The following CCDC171 variants were observed in gnomAD, a reference collection of about 807,000 sequenced individuals.
CCDC171 encodes the protein coiled-coil domain containing 171.
CCDC171 carries 177 observed loss-of-function variants against 168.2 expected under a neutral mutation model. That is an observed-to-expected ratio of 1.05 (90% CI 0.93 to 1.19). The LOEUF (loss-of-function observed/expected upper bound fraction) is 1.19, where lower values mean the gene tolerates loss of function less well. CCDC171 is among the 50% of genes most tolerant of loss of function. CCDC171 has a pLI of 0.00. For missense variants in CCDC171, 1,991 were observed against 1,539.0 expected (o/e 1.29, Z -4.91); for synonymous variants, 687 against 540.8 (o/e 1.27, Z -3.75).
chr9:15,801,709 G>C (rs1435684487), intron 21 of CCDC171, among the ~76,000 whole-genome samples: 2 of 151,918 alleles, frequency 1.3e-5, no homozygotes, highest in Non-Finnish European at 2.9e-5. Context: ...TAGAGGAAAG[G>C]GTTTCATTTT....
In CCDC171 at chr9:15,923,850, G is replaced by C. The variant is rs924517865; in HGVS notation, c.3753+3428G>C. On this transcript the variant is annotated intron_variant, in intron 25 of 25. Transcript: ENST00000380701. ...GGTGGTTATTGTTATTAGTTTAGTG[G>C]CTCAACTTTTCTGTAATTTCTCTAC... is the stretch of plus-strand genomic sequence containing the variant. Among the ~76,000 whole-genome samples the C allele has an allele frequency of 4.0e-5, 6 of 151,310 alleles. No homozygotes were observed. In the South Asian group the frequency reaches 1.0e-3, roughly 26 times the overall value.
chr9:16,078,285 A>G, the CCDC171 span, among the ~76,000 whole-genome samples: 1 of 152,330 alleles, frequency 6.6e-6, no homozygotes, highest in East Asian at 1.9e-4. Context: ...TCTAGAGGGC[A>G]GAGCAGGAAC....
At chr9:16,068,825 C>G in the CCDC171 span, among the ~76,000 whole-genome samples, 1 of 151,238 alleles carries the variant, frequency 6.6e-6, no homozygotes, top group East Asian at 2.0e-4. Context: ...TCACACCCAG[C>G]TGCTAAATTA....
intron 7 of CCDC171, among the ~76,000 whole-genome samples, chr9:15,645,063 G>A (rs953643279): frequency 3.9e-5 from 6 of 152,198 alleles, no homozygotes; most frequent in African/African-American, 1.4e-4. Flanking sequence ...GAACGATCAG[G>A]CAGCAACATT....
intron 21 of CCDC171, among the ~76,000 whole-genome samples, chr9:15,801,262 T>C (rs1336132638): frequency 6.6e-6 from 1 of 152,158 alleles, no homozygotes; most frequent in Non-Finnish European, 1.5e-5. Flanking sequence ...TATCTTTCCA[T>C]TATTTTTGCA....
intron 24 of CCDC171, among the ~76,000 whole-genome samples, chr9:15,877,934 A>T (rs920855169): frequency 1.6e-4 from 25 of 152,296 alleles, no homozygotes; most frequent in African/African-American, 6.0e-4. Context: ...AATAATAATT[A>T]AACAGTAACA....
chr9:15,977,666 G>A (rs1372955082), downstream of CCDC171, among the ~76,000 whole-genome samples: 1 of 152,164 alleles, frequency 6.6e-6, no homozygotes, highest in Non-Finnish European at 1.5e-5. Flanking sequence ...GCTGATTGTT[G>A]ACAGAGTCCT....
At chr9:15,774,379 A>G (rs761721313) in intron 18 of CCDC171, among the ~76,000 whole-genome samples, 8 of 151,784 alleles carry the variant, frequency 5.3e-5, no homozygotes, top group Non-Finnish European at 7.4e-5. Context: ...TAAGATCGGG[A>G]AATGTAAATC....
chr9:15,781,504 A>G (rs2057666090), intron 20 of CCDC171, among the ~76,000 whole-genome samples: 1 of 152,080 alleles, frequency 6.6e-6, no homozygotes, highest in African/African-American at 2.4e-5. Context: ...TGCAGCCTCC[A>G]CCTCCCAGGT....
intron 21 of CCDC171, among the ~76,000 whole-genome samples, chr9:15,818,292 C>G (rs1054575059): frequency 8.5e-6 from 1 of 117,858 alleles, no homozygotes; most frequent in African/African-American, 3.2e-5. Context: ...GAGTGCCTCT[C>G]CTCCTCCAAA....
At chr9:15,904,942 T>C (rs1483410223) in intron 24 of CCDC171, among the ~76,000 whole-genome samples, 1 of 151,488 alleles carries the variant, frequency 6.6e-6, no homozygotes, top group African/African-American at 2.4e-5. Context: ...TACATAATGG[T>C]AAAGGGATCA....
rs2056778836 is a variant in CCDC171 at position 15,767,368 on chromosome 9, C to A, written c.2672-10232C>A. 2.0e-5 allele frequency among the ~76,000 whole-genome samples: 3 copies of A among 152,178 alleles called. No homozygotes were observed. The South Asian group carries it at 6.2e-4, about 32-fold the overall frequency. On this transcript the variant is annotated intron_variant, in intron 18 of 25. Coordinates refer to ENST00000380701, the MANE Select transcript of CCDC171 (RefSeq NM_173550.4). ...ATCTTCAAAGCCAGCAGCATCACAT[C>A]TGCAAATCTCTCTCTGACTCTGACC...
chr9:15,636,253 A>G (rs1026401295), intron 7 of CCDC171, among the ~76,000 whole-genome samples: 2 of 152,194 alleles, frequency 1.3e-5, no homozygotes, highest in African/African-American at 4.8e-5. Flanking sequence ...TGAACTTGGC[A>G]AGGATAAACT....
chr9:16,048,513 C>T (rs1833697038), intron 1 of CCDC171, among the ~76,000 whole-genome samples: 2 of 152,164 alleles, frequency 1.3e-5, no homozygotes, highest in Non-Finnish European at 2.9e-5. Context: ...CCCTCAGTTT[C>T]TTTCAGGGTC....
chr9:16,100,356 G>A, the CCDC171 span, among the ~76,000 whole-genome samples: 3 of 152,208 alleles, frequency 2.0e-5, no homozygotes, highest in East Asian at 3.9e-4. Context: ...ATCTCCAGCC[G>A]CTCAGCTCAG....
At position 15,925,037 on chromosome 9, in the gene CCDC171, G is replaced by A. The variant is rs1825742780; in HGVS notation, c.3753+4615G>A. 2.0e-5 allele frequency among the ~76,000 whole-genome samples: 3 copies of A among 151,222 alleles called. No homozygotes were observed. The Admixed American group carries it at 2.0e-4, about 10-fold the overall frequency. ...AAAATTTATTAAGCATCTGCTTTTT[G>A]GTGGGCACAGTTCTGTTCTTGGAGA... On this transcript the variant is annotated intron_variant, in intron 25 of 25. Coordinates refer to ENST00000380701, the MANE Select transcript of CCDC171 (RefSeq NM_173550.4).
At chr9:15,692,289 C>A (rs2050857341) in intron 10 of CCDC171, among the ~76,000 whole-genome samples, 1 of 151,900 alleles carries the variant, frequency 6.6e-6, no homozygotes, top group African/African-American at 2.4e-5. Flanking sequence ...ATGAGAATCA[C>A]TTGAACCCAG....
intron 21 of CCDC171, among the ~76,000 whole-genome samples, chr9:15,829,233 C>A (rs978022089): frequency 6.6e-6 from 1 of 152,142 alleles, no homozygotes; most frequent in Non-Finnish European, 1.5e-5. Context: ...AATCTATTGG[C>A]TCTTTTATTA....
At chr9:15,687,973 G>C (rs988438830) in intron 10 of CCDC171, among the ~76,000 whole-genome samples, 2 of 152,010 alleles carry the variant, frequency 1.3e-5, no homozygotes, top group Non-Finnish European at 2.9e-5. Context: ...ACAAAAATTA[G>C]CTGGGCAAGG....
Sources: allele counts gnomAD v4.1 joint callset (sites outside exome capture counted in the v4.1 genomes callset), GRCh38; gene constraint gnomAD v4.1.1; transcripts MANE v1.5; gene names NCBI Gene and HGNC (gene_info 2026-07-23, HGNC 2026-07-21).